The following SAMD4A variants were observed in gnomAD, a reference collection of about 807,000 sequenced individuals.
The protein encoded by SAMD4A is sterile alpha motif domain containing 4A.
SAMD4A carries 33 observed loss-of-function variants against 81.3 expected under a neutral mutation model. That is an observed-to-expected ratio of 0.41 (90% CI 0.31 to 0.54). SAMD4A has a LOEUF of 0.54. Ranked by LOEUF, SAMD4A falls within the 20% of genes least tolerant of loss-of-function variation. The pLI is 0.37. For synonymous variants in SAMD4A, 389 were observed against 382.1 expected, an observed-to-expected ratio of 1.02 and a Z score of -0.21; for missense variants, 854 against 951.1, an observed-to-expected ratio of 0.90 and a Z score of 1.34.
At chr14:54,570,797 A>C (rs1210434583) in intron 2 of SAMD4A, among the ~76,000 whole-genome samples, 1 of 152,250 alleles carries the variant, frequency 6.6e-6, no homozygotes, top group African/African-American at 2.4e-5. Flanking sequence ...TACACCCAGA[A>C]TAATTAACCT....
intron 2 of SAMD4A, among the ~76,000 whole-genome samples, chr14:54,626,059 TGCGCGC>T (rs113491666): frequency 2.4e-3 from 249 of 102,122 alleles, no homozygotes; most frequent in African/African-American, 7.2e-3. Context: ...TGTGTGTGTG[TGCGCGC>T]GCGCGCGCGC....
At chr14:54,585,321 CCTTT>C (rs1298355322) in intron 2 of SAMD4A, among the ~76,000 whole-genome samples, 8 of 152,178 alleles carry the variant, frequency 5.3e-5, no homozygotes, top group Admixed American at 5.2e-4. Flanking sequence ...TGGTAAACAT[CCTTT>C]AAAGCACAGA....
chr14:54,780,211 C>A (rs1234333739), intron 11 of SAMD4A, among the ~76,000 whole-genome samples: 1 of 152,180 alleles, frequency 6.6e-6, no homozygotes, highest in African/African-American at 2.4e-5. Context: ...TTGCCCAAAG[C>A]CACATGCAAA....
chr14:54,746,481 G>A (rs746518838), intron 4 of SAMD4A, among the ~76,000 whole-genome samples: 2 of 152,142 alleles, frequency 1.3e-5, no homozygotes, highest in Non-Finnish European at 2.9e-5. Flanking sequence ...AAATGAATGA[G>A]GCCAGCTCTT....
chr14:54,699,135 T>C (rs2036648555), intron 2 of SAMD4A, among the ~76,000 whole-genome samples: 1 of 152,240 alleles, frequency 6.6e-6, no homozygotes. Context: ...CTTTTGCTTC[T>C]TGGCCCCTTT....
Position 54,629,926 on chromosome 14 carries a change from C to A in SAMD4A, c.196+61814C>A, listed in dbSNP as rs72711701. On this transcript the variant is annotated intron_variant, in intron 2 of 12. Transcript: ENST00000554335. ...GATACCTCATATAAGTGGAATCATA[C>A]AGGACTTATCCCTTTGTGTCTGGTT... Among the ~76,000 whole-genome samples the A allele has an allele frequency of 9.8e-3, 1,490 of 152,294 alleles. 17 individuals carry two copies. The highest frequency in any genetic ancestry group is 0.014 in the Non-Finnish European group (966 of 68,022).
At chr14:54,593,892 G>A (rs964082203) in intron 2 of SAMD4A, among the ~76,000 whole-genome samples, 2 of 152,082 alleles carry the variant, frequency 1.3e-5, no homozygotes, top group African/African-American at 2.4e-5. Flanking sequence ...GAATCAGAGC[G>A]GTGGTATTAC....
At chr14:54,750,123 G>C (rs1447932000) in intron 5 of SAMD4A, among the ~76,000 whole-genome samples, 1 of 152,110 alleles carries the variant, frequency 6.6e-6, no homozygotes, top group Non-Finnish European at 1.5e-5. Context: ...GTTTGGGTCA[G>C]AGTTGAGGAA....
intron 2 of SAMD4A, among the ~76,000 whole-genome samples, chr14:54,642,335 G>C (rs2035192978): frequency 1.3e-5 from 2 of 152,186 alleles, no homozygotes; most frequent in Non-Finnish European, 2.9e-5. Context: ...AGGGGACTTT[G>C]TTCAATGAAG....
chr14:54,584,863 A>C (rs2033572277), intron 2 of SAMD4A, among the ~76,000 whole-genome samples: 1 of 152,230 alleles, frequency 6.6e-6, no homozygotes. Flanking sequence ...AAAATTTATC[A>C]AATTGTCCAA....
At position 54,567,488 on chromosome 14, in the gene SAMD4A, C is replaced by T. The variant is rs1283210902; in HGVS notation, c.-421-8C>T. On this transcript the variant is annotated splice_polypyrimidine_tract_variant and splice_region_variant and intron_variant, in intron 1 of 12. Coordinates refer to ENST00000554335, the MANE Select transcript of SAMD4A (RefSeq NM_015589.6). ...GAGGTCTCACTGCAGCTCTTTCTCT[C>T]CTTCCAGTGGTGATCGCCGCTCGGG... 1.2e-5 allele frequency: 2 copies of T among 172,966 alleles called. No individual in the cohort carries two copies. The highest frequency in any genetic ancestry group is 1.2e-5 in the Non-Finnish European group (1 of 81,904). The allele number at this position is 172,966 out of a possible 1,614,324, so 10.7% of individuals were successfully genotyped here.
intron 2 of SAMD4A, among the ~76,000 whole-genome samples, chr14:54,642,329 G>C (rs1437770895): frequency 1.3e-5 from 2 of 152,298 alleles, no homozygotes; most frequent in East Asian, 3.9e-4. Flanking sequence ...GACTGAAGGG[G>C]ACTTTGTTCA....
At chr14:54,636,940 G>A (rs1437493777) in intron 2 of SAMD4A, among the ~76,000 whole-genome samples, 2 of 152,090 alleles carry the variant, frequency 1.3e-5, no homozygotes, top group Non-Finnish European at 2.9e-5. Context: ...CCGATCAAGG[G>A]GGCGAGATAT....
At chr14:54,674,321 G>A (rs937105728) in intron 2 of SAMD4A, among the ~76,000 whole-genome samples, 1 of 152,164 alleles carries the variant, frequency 6.6e-6, no homozygotes, top group African/African-American at 2.4e-5. Context: ...GTTGCTTTTT[G>A]CTTTTAAATT....
chr14:54,740,221 A>T (rs1204601628), intron 4 of SAMD4A, among the ~76,000 whole-genome samples: 1 of 152,198 alleles, frequency 6.6e-6, no homozygotes, highest in Non-Finnish European at 1.5e-5. Flanking sequence ...TATAAAACCA[A>T]GTGAGGTGCT....
chr14:54,584,798 G>A (rs533065961), intron 2 of SAMD4A, among the ~76,000 whole-genome samples: 16 of 152,156 alleles, frequency 1.1e-4, no homozygotes, highest in South Asian at 1.0e-3. Flanking sequence ...AATTTGACAC[G>A]TAGGCTATTT....
rs138137736 is a variant in SAMD4A, at chr14:54,782,135, T to C, written c.2045-2402T>C. Among the ~76,000 whole-genome samples, 4 of 152,288 alleles carry C rather than the reference T, an allele frequency of 2.6e-5. No individual in the cohort carries two copies. The East Asian group carries it at 5.8e-4, about 22-fold the overall frequency. On this transcript the variant is annotated intron_variant, in intron 11 of 12. Coordinates refer to ENST00000554335, the MANE Select transcript of SAMD4A (RefSeq NM_015589.6). Reference sequence around the variant, plus strand: ...GCCCTGCGTTTCTCAGCCCCCTTTTTGGAACACGCAATCCCAGGCTTGGAA... The same window carrying C: ...GCCCTGCGTTTCTCAGCCCCCTTTTCGGAACACGCAATCCCAGGCTTGGAA...
chr14:54,576,891 G>A (rs1303651126), intron 2 of SAMD4A, among the ~76,000 whole-genome samples: 1 of 152,214 alleles, frequency 6.6e-6, no homozygotes, highest in Non-Finnish European at 1.5e-5. Flanking sequence ...CTCACATGTT[G>A]GACATTATCA....
chr14:54,574,519 T>C (rs1196863082), intron 2 of SAMD4A, among the ~76,000 whole-genome samples: 1 of 151,932 alleles, frequency 6.6e-6, no homozygotes, highest in Non-Finnish European at 1.5e-5. Flanking sequence ...GTGAATAGGG[T>C]AGAGAGAGGA....
Sources: allele counts gnomAD v4.1 joint callset (sites outside exome capture counted in the v4.1 genomes callset), GRCh38; gene constraint gnomAD v4.1.1; transcripts MANE v1.5; gene names NCBI Gene and HGNC (gene_info 2026-07-23, HGNC 2026-07-21).